ZNF836: variants seen among roughly 807,000 people sequenced by gnomAD.
ZNF836 encodes the protein zinc finger protein 836.
In ZNF836, 12 loss-of-function variants were observed where a neutral mutation model predicts 7.4. That is an observed-to-expected ratio of 1.61 (90% CI 1.03 to 2.61). The LOEUF (loss-of-function observed/expected upper bound fraction) is 2.61, where lower values mean the gene tolerates loss of function less well. Among genes scored for constraint, ZNF836 ranks in the 30% most tolerant of loss-of-function variants. The pLI is 0.00. For synonymous variants in ZNF836, 365 were observed against 382.6 expected (o/e 0.95, Z 0.54); for missense variants, 998 against 1,126.2 (o/e 0.89, Z 1.63).
At chr19:52,170,071 A>G (rs570377840) in intron 1 of ZNF836, among the ~76,000 whole-genome samples, 51 of 152,188 alleles carry the variant, frequency 3.4e-4, no homozygotes, top group Non-Finnish European at 6.3e-4. Context: ...GTCACAAATT[A>G]GAATATTACA....
chr19:52,167,939 G>A (rs1187355379), intron 3 of ZNF836, 119 bp downstream of exon 3: 1 of 753,102 alleles, frequency 1.3e-6, no homozygotes. Context: ...GAAGGCATGG[G>A]TGAATGGCAG....
intron 4 of ZNF836, among the ~76,000 whole-genome samples, chr19:52,157,903 T>C: frequency 6.7e-6 from 1 of 149,322 alleles, no homozygotes; most frequent in Admixed American, 6.7e-5. Flanking sequence ...GTATTATTTG[T>C]TTTTTTTTAA....
Position 52,155,675 on chromosome 19 carries a change from C to T in ZNF836, c.2008G>A (p.Asp670Asn), listed in dbSNP as rs780561251. The change falls in exon 5 of 5, where the codon GAT becomes AAT. Residue 670 changes from aspartate to asparagine, a missense_variant. Transcript: ENST00000682614. The stretch of plus-strand genomic sequence containing the variant: ...CGCTGAGTATAGGCTTTGCCACAAT[C>T]ATTACATTTGTAAGGTTTCTCTCCG... ...HTGEKPYKCN[D>N]CGKAYTQRSS... 3.1e-6 allele frequency: 5 copies of T among 1,614,068 alleles called. No homozygotes were observed. The African/African-American group carries it at 4.0e-5, about 13-fold the overall frequency.
rs769491932 is a variant in ZNF836 at position 52,156,029 on chromosome 19, G to T, written c.1654C>A (p.Gln552Lys). 1 of 1,613,586 alleles carries T rather than the reference G, an allele frequency of 6.2e-7. No homozygotes were observed. The highest frequency in any genetic ancestry group is 8.5e-7 in the Non-Finnish European group (1 of 1,179,776). The change falls in exon 5 of 5, where the codon CAA (glutamine) becomes AAA (lysine). Residue 552 changes from glutamine to lysine, a missense_variant. Coordinates refer to ENST00000682614, the MANE Select transcript of ZNF836 (RefSeq NM_001102657.3). ...CCACACACATTACATTTGTAAGGTT[G>T]CTCCCCAGTATGAATTCTTAAATGT... Reference protein sequence around the residue: ...VRHLRIHTGEQPYKCNVCGKV... With the variant: ...VRHLRIHTGEKPYKCNVCGKV...
At position 52,169,213 on chromosome 19, in the gene ZNF836, A is replaced by G. The variant is rs1033930522; in HGVS notation, c.-81+435T>C. ...ATTTCAGAAGTCAGTAATTATTTATAGAAAGGCAGATATTGAATAAACTAA... is the reference window on the plus strand; with the variant it reads ...ATTTCAGAAGTCAGTAATTATTTATGGAAAGGCAGATATTGAATAAACTAA... On this transcript the variant is annotated intron_variant, in intron 2 of 4. Transcript: ENST00000682614. Among the ~76,000 whole-genome samples the G allele has an allele frequency of 4.6e-5, 7 of 152,368 alleles. No homozygotes were observed. In the East Asian group the frequency reaches 7.7e-4, roughly 17 times the overall value.
rs757467060 is a variant in ZNF836, at chr19:52,156,063, G to A, written c.1620C>T (p.Cys540=). 2.2e-5 allele frequency: 35 copies of A among 1,613,844 alleles called. No individual in the cohort carries two copies. Among genetic ancestry groups the A allele is most frequent in the Non-Finnish European group, 2.6e-5 (31 of 1,179,906 alleles). The change falls in exon 5 of 5, where the codon TGC becomes TGT. Residue 540 remains cysteine, a synonymous_variant. Coordinates refer to ENST00000682614, the MANE Select transcript of ZNF836 (RefSeq NM_001102657.3). ...ECGKVFSENS[C]LVRHLRIHTG... is the part of the protein sequence containing the mutation. ...TATGAATTCTTAAATGTCTTACAAG[G>A]CATGAATTTTCACTAAAGACCTTTC...
chr19:52,167,989 T>A, intron 3 of ZNF836, 69 bp downstream of exon 3: 1 of 1,203,504 alleles, frequency 8.3e-7, no homozygotes, highest in Non-Finnish European at 1.2e-6. Flanking sequence ...CAGAGGAGAT[T>A]CGCAACTCCA....
chr19:52,162,318 G>A (rs2089219703), intron 3 of ZNF836, among the ~76,000 whole-genome samples: 1 of 152,226 alleles, frequency 6.6e-6, no homozygotes, highest in African/African-American at 2.4e-5. Context: ...CATTGCCTTA[G>A]TGGGGACTTC....
intron 4 of ZNF836, among the ~76,000 whole-genome samples, chr19:52,158,426 T>A (rs925602066): frequency 6.6e-6 from 1 of 152,218 alleles, no homozygotes; most frequent in South Asian, 2.1e-4. Flanking sequence ...ATACTTATTA[T>A]ATAAGTATTA....
rs781167052 is a variant in ZNF836 at position 52,156,913 on chromosome 19, C to T, written c.770G>A (p.Arg257Gln). Residue 257 changes from arginine to glutamine, a missense_variant, in exon 5 of 5, where the codon CGG (arginine) becomes CAG (glutamine). Coordinates refer to ENST00000682614, the MANE Select transcript of ZNF836 (RefSeq NM_001102657.3). Reference protein sequence around the residue: ...KCNECGKAFHRGSLLTIHQIV... With the variant: ...KCNECGKAFHQGSLLTIHQIV... ...CTGATGTATAGTTAGTAGTGAGCCC[C>T]GATGAAAGGCTTTGCCACATTCATT... The T allele has an allele frequency of 9.9e-6, 16 of 1,613,788 alleles. No homozygotes were observed. The highest frequency in any genetic ancestry group is 1.4e-5 in the Non-Finnish European group (16 of 1,179,970).
intron 3 of ZNF836, among the ~76,000 whole-genome samples, chr19:52,163,364 A>G (rs1261605572): frequency 6.6e-6 from 1 of 152,154 alleles, no homozygotes; most frequent in Non-Finnish European, 1.5e-5. Flanking sequence ...ACTGTTTTTA[A>G]CTCATTTCTC....
intron 3 of ZNF836, among the ~76,000 whole-genome samples, chr19:52,162,194 C>T (rs2089218868): frequency 6.6e-6 from 1 of 152,186 alleles, no homozygotes; most frequent in Non-Finnish European, 1.5e-5. Flanking sequence ...GAATCACATA[C>T]CGGTGACTCT....
chr19:52,158,372 G>T (rs2089184675), intron 4 of ZNF836, among the ~76,000 whole-genome samples: 1 of 152,074 alleles, frequency 6.6e-6, no homozygotes, highest in Non-Finnish European at 1.5e-5. Flanking sequence ...CTGGGAAAAT[G>T]AGAAAGAATT....
intron 3 of ZNF836, among the ~76,000 whole-genome samples, chr19:52,164,764 A>G (rs1171969307): frequency 6.6e-6 from 1 of 152,222 alleles, no homozygotes; most frequent in Non-Finnish European, 1.5e-5. Flanking sequence ...CTTAACTGTA[A>G]GTAAACAAAC....
chr19:52,160,230 T>C (rs1353932863), intron 4 of ZNF836: 2 of 577,530 alleles, frequency 3.5e-6, no homozygotes, highest in Non-Finnish European at 6.0e-6. Context: ...GACTAATACT[T>C]AAATATGGGA....
rs1027691668 is a variant in ZNF836, at chr19:52,154,770, A to C, written c.*102T>G. ...TTGAGAAATCCACCCCTGTGATCCA[A>C]TCATCTCCCACCAGGCCCCACCTCC... On this transcript the variant is annotated 3_prime_UTR_variant, in exon 5 of 5. Transcript: ENST00000682614. The C allele has an allele frequency of 1.1e-4, 119 of 1,098,474 alleles. No individual in the cohort carries two copies. The highest frequency in any genetic ancestry group is 1.4e-4 in the Non-Finnish European group (111 of 793,560). 68.0% of individuals were successfully genotyped at this position (1,098,474 alleles called of 1,614,324 possible).
At chr19:52,166,442 G>A (rs2089264447) in intron 3 of ZNF836, among the ~76,000 whole-genome samples, 1 of 151,848 alleles carries the variant, frequency 6.6e-6, no homozygotes, top group South Asian at 2.1e-4. Context: ...AGTCACTATG[G>A]TTTAACAAAT....
rs1311221540 is a variant in ZNF836 at position 52,155,912 on chromosome 19, A to G, written c.1771T>C (p.Phe591Leu). Residue 591 changes from phenylalanine to leucine, a missense_variant, in exon 5 of 5, where the codon TTC (phenylalanine) becomes CTC (leucine). Coordinates refer to ENST00000682614, the MANE Select transcript of ZNF836 (RefSeq NM_001102657.3). ...PFQCNECGTV[F>L]RNYSCLARHL... ...CGTGCTAGGCATGAGTAGTTCCTGA[A>G]GACTGTGCCACATTCATTACATTGG... 8 of 1,613,880 alleles carry G rather than the reference A, an allele frequency of 5.0e-6. No homozygotes were observed. The highest frequency in any genetic ancestry group is 5.9e-6 in the Non-Finnish European group (7 of 1,179,898).
intron 3 of ZNF836, among the ~76,000 whole-genome samples, chr19:52,165,776 T>C (rs149980525): frequency 6.6e-6 from 1 of 152,328 alleles, no homozygotes; most frequent in Non-Finnish European, 1.5e-5. Flanking sequence ...TTCTCACTCA[T>C]TTGAACAAAA....
Sources: allele counts gnomAD v4.1 joint callset (sites outside exome capture counted in the v4.1 genomes callset), GRCh38; gene constraint gnomAD v4.1.1; transcripts MANE v1.5; gene names NCBI Gene and HGNC (gene_info 2026-07-23, HGNC 2026-07-21).